HTR7: variants seen among roughly 807,000 people sequenced by gnomAD.
HTR7 encodes the protein 5-HT-7.
HTR7 carries 16 observed loss-of-function variants against 34.0 expected under a neutral mutation model. The ratio of observed to expected loss-of-function variants is 0.47; its 90% confidence interval spans 0.32 to 0.71. The LOEUF (loss-of-function observed/expected upper bound fraction) is 0.71, where lower values mean the gene tolerates loss of function less well. Among genes scored for constraint, HTR7 ranks in the 30% least tolerant of loss-of-function variants. The probability of loss-of-function intolerance (pLI) is 0.04; values close to 1 mark genes in which losing one functional copy is unlikely to be tolerated. For missense variants in HTR7, 504 were observed against 625.5 expected (o/e 0.81, Z 2.07); for synonymous variants, 265 against 260.2 (o/e 1.02, Z -0.18).
intron 1 of HTR7, among the ~76,000 whole-genome samples, chr10:90,847,799 G>A (rs1439261015): frequency 6.6e-6 from 1 of 152,190 alleles, no homozygotes; most frequent in Non-Finnish European, 1.5e-5. Context: ...AACAATAACT[G>A]TATCTGCTCA....
At chr10:90,823,662 C>T (rs1846023675) in intron 1 of HTR7, among the ~76,000 whole-genome samples, 1 of 151,988 alleles carries the variant, frequency 6.6e-6, no homozygotes, top group Non-Finnish European at 1.5e-5. Context: ...TTGGAAGGGG[C>T]CAGGAGCAGA....
At chr10:90,758,453 A>G (rs1489543772) in intron 1 of HTR7, among the ~76,000 whole-genome samples, 1 of 146,374 alleles carries the variant, frequency 6.8e-6, no homozygotes. Context: ...ATATGGAAAA[A>G]TTTATTCAAA....
At position 90,857,215 on chromosome 10, in the gene HTR7, A is replaced by G; in HGVS notation, c.457T>C (p.Phe153Leu). The G allele has an allele frequency of 2.5e-6, 4 of 1,614,072 alleles. No individual in the cohort carries two copies. The highest frequency in any genetic ancestry group is 3.4e-6 in the Non-Finnish European group (4 of 1,180,024). Residue 153 changes from phenylalanine (F) to leucine (L), a missense_variant, in exon 1 of 4, where the codon TTT (phenylalanine) becomes CTT (leucine). This residue lies in a region of HTR7 where 154 missense variants were observed against 248.8 expected (regional missense o/e 0.62). Coordinates refer to ENST00000336152, the MANE Select transcript of HTR7 (RefSeq NM_019859.4). This position sits in a 1 kb window ranked among gnomAD's most constrained non-coding sequence, Gnocchi z 6.5. ...LIGGKWIFGH[F>L]FCNVFIAMDV... The stretch of plus-strand genomic sequence containing the variant: ...ATGGCGATGAAGACATTACAGAAAA[A>G]GTGTCCAAAGATCCACTTGCCCCCG...
intron 1 of HTR7, among the ~76,000 whole-genome samples, chr10:90,809,101 T>G (rs1243814471): frequency 6.6e-6 from 1 of 151,954 alleles, no homozygotes; most frequent in Non-Finnish European, 1.5e-5. Flanking sequence ...CTATCTGACC[T>G]CTCCCCTCCT....
chr10:90,744,483 C>T (rs1381306479), intron 2 of HTR7, among the ~76,000 whole-genome samples: 1 of 149,748 alleles, frequency 6.7e-6, no homozygotes, highest in Non-Finnish European at 1.5e-5. Flanking sequence ...CATTCCCCTA[C>T]TTGCAGATTC....
chr10:90,789,996 T>C (rs1845440414), intron 1 of HTR7, among the ~76,000 whole-genome samples: 1 of 152,164 alleles, frequency 6.6e-6, no homozygotes, highest in Admixed American at 6.6e-5. Flanking sequence ...CAAGAAAATA[T>C]CTACTTAGTG....
intron 1 of HTR7, among the ~76,000 whole-genome samples, chr10:90,779,242 A>G (rs1018453799): frequency 6.6e-6 from 1 of 152,220 alleles, no homozygotes; most frequent in Non-Finnish European, 1.5e-5. Flanking sequence ...AGAGAATGTT[A>G]GAACAGAGGA....
rs143712370 is a variant in HTR7, at chr10:90,770,821, C to T, written c.540-21227G>A. ...GGCAGAAAGGCTCCTGGGCAGAAGGCGGTGGGTTCCCAGTGAGGCCCCACC... is the reference window on the plus strand; with the variant it reads ...GGCAGAAAGGCTCCTGGGCAGAAGGTGGTGGGTTCCCAGTGAGGCCCCACC... On this transcript the variant is annotated intron_variant, in intron 1 of 3. Transcript: ENST00000336152. Among the ~76,000 whole-genome samples, 480 of 152,300 alleles carry T rather than the reference C, an allele frequency of 3.2e-3. 4 individuals carry two copies. Among genetic ancestry groups the T allele is most frequent in the African/African-American group, 0.011 (439 of 41,576 alleles).
rs896892881 is a variant in HTR7 at position 90,741,071 on chromosome 10, A to G, written c.*1411T>C. 10 of 152,620 alleles carry G rather than the reference A, an allele frequency of 6.6e-5. No homozygotes were observed. Among genetic ancestry groups the G allele is most frequent in the South Asian group, 2.1e-4 (1 of 4,836 alleles). 9.5% of individuals were successfully genotyped at this position (152,620 alleles called of 1,614,324 possible). A position where few individuals can be genotyped will look rare whatever the true frequency, so the allele number is the denominator to read the frequency against. ...TTTTCCCCATGTCTGGTAAGAAGCA[A>G]TGTCAATGGGAGTTAGAAGAAGTCC... On this transcript the variant is annotated 3_prime_UTR_variant, in exon 4 of 4. Transcript: ENST00000336152.
intron 1 of HTR7, among the ~76,000 whole-genome samples, chr10:90,785,456 C>A: frequency 6.6e-6 from 1 of 151,960 alleles, no homozygotes; most frequent in East Asian, 1.9e-4. Flanking sequence ...GATTTTCAAA[C>A]CCTATATGTA....
At chr10:90,783,526 A>C (rs1181151955) in intron 1 of HTR7, among the ~76,000 whole-genome samples, 1 of 152,110 alleles carries the variant, frequency 6.6e-6, no homozygotes, top group Non-Finnish European at 1.5e-5. Context: ...TCTCCATTTC[A>C]TATCTCTAAG....
At chr10:90,808,367 C>T (rs1845736920) in intron 1 of HTR7, among the ~76,000 whole-genome samples, 2 of 151,814 alleles carry the variant, frequency 1.3e-5, no homozygotes, top group South Asian at 4.2e-4. Context: ...TACCTCTTCT[C>T]CGCCTTTCTG....
intron 1 of HTR7, among the ~76,000 whole-genome samples, chr10:90,855,759 T>G (rs764991099): frequency 2.6e-5 from 4 of 152,256 alleles, no homozygotes; most frequent in Non-Finnish European, 5.9e-5. Flanking sequence ...GTTCATGCTC[T>G]GCTCTTAAGT....
chr10:90,803,105 TTGTC>T (rs1262330151), intron 1 of HTR7, among the ~76,000 whole-genome samples: 2 of 150,950 alleles, frequency 1.3e-5, no homozygotes, highest in Non-Finnish European at 2.9e-5. Flanking sequence ...AAGAAAGAAT[TTGTC>T]TGAGGGGTAT....
intron 1 of HTR7, among the ~76,000 whole-genome samples, chr10:90,845,383 G>A (rs902972960): frequency 2.0e-5 from 3 of 152,122 alleles, no homozygotes; most frequent in Admixed American, 6.5e-5. Flanking sequence ...CTACAATGAC[G>A]TAGTGAAATA....
chr10:90,840,162 TTCTC>T (rs753030195), intron 1 of HTR7, among the ~76,000 whole-genome samples: 1 of 138,742 alleles, frequency 7.2e-6, no homozygotes, highest in Non-Finnish European at 1.5e-5. Flanking sequence ...CTCCATCTGT[TTCTC>T]TCTCTCTCTC....
chr10:90,841,883 G>A (rs530866714), intron 1 of HTR7, among the ~76,000 whole-genome samples: 30 of 152,028 alleles, frequency 2.0e-4, no homozygotes, highest in Admixed American at 3.3e-4. Context: ...GACTGTAATC[G>A]CAGCTACTTG....
chr10:90,815,161 G>A (rs923392722), intron 1 of HTR7, among the ~76,000 whole-genome samples: 3 of 150,828 alleles, frequency 2.0e-5, no homozygotes, highest in Admixed American at 6.6e-5. Flanking sequence ...GTGCGATCTC[G>A]GCTCACCGCA....
intron 1 of HTR7, among the ~76,000 whole-genome samples, chr10:90,751,305 TAAGGAAGAGGGAA>T (rs988372556): frequency 1.3e-4 from 19 of 151,480 alleles, no homozygotes; most frequent in African/African-American, 4.6e-4. Flanking sequence ...AGTGAAGGAG[TAAGGAAGAGGGAA>T]AAGGGAAGAG....
Sources: gnomAD v4.1 joint callset for allele counts (sites outside exome capture counted in the v4.1 genomes callset) on GRCh38, gnomAD v4.1.1 for gene constraint, gnomAD v4.1.1 regional missense constraint, Gnocchi (gnomAD v3.1) non-coding constraint, MANE v1.5 for transcripts, NCBI Gene and HGNC (gene_info 2026-07-23, HGNC 2026-07-21) for gene names.